SPATA13: variants seen among roughly 807,000 people sequenced by gnomAD.
The protein encoded by SPATA13 is spermatogenesis-associated protein 13.
In SPATA13, 50 loss-of-function variants were observed where a neutral mutation model predicts 104.0. The observed-to-expected ratio is 0.48, with a 90% CI of 0.38 to 0.61. The LOEUF (loss-of-function observed/expected upper bound fraction) is 0.61. SPATA13 is among the 20% of genes least tolerant of loss of function. The pLI is 0.00. For synonymous variants in SPATA13, 606 were observed against 667.5 expected (o/e 0.91, Z 1.42); for missense variants, 1,524 against 1,690.6 (o/e 0.90, Z 1.73).
At chr13:24,040,635 A>G (rs1452967716) in intron 3 of SPATA13, among the ~76,000 whole-genome samples, 1 of 152,132 alleles carries the variant, frequency 6.6e-6, no homozygotes. Context: ...CCAATTTTGT[A>G]AAGTTCAGTT....
chr13:24,094,648 G>C (rs1164629391), intron 3 of SPATA13, among the ~76,000 whole-genome samples: 1 of 152,174 alleles, frequency 6.6e-6, no homozygotes, highest in East Asian at 1.9e-4. Context: ...AGTTTCAGCT[G>C]TTGGGGAGGC....
upstream of SPATA13, among the ~76,000 whole-genome samples, chr13:24,158,631 C>T (rs987573130): frequency 2.0e-5 from 3 of 152,120 alleles, no homozygotes; most frequent in South Asian, 2.1e-4. Flanking sequence ...TTATCCCAGG[C>T]GCTCAAAAGG....
chr13:24,117,545 T>C (rs908962148), intron 3 of SPATA13, among the ~76,000 whole-genome samples: 5 of 152,200 alleles, frequency 3.3e-5, no homozygotes, highest in African/African-American at 1.2e-4. Context: ...TCTGGGCAAA[T>C]TGTAGACCTT....
intron 3 of SPATA13, among the ~76,000 whole-genome samples, chr13:24,043,741 C>A (rs183876361): frequency 6.6e-6 from 1 of 152,106 alleles, no homozygotes; most frequent in Non-Finnish European, 1.5e-5. Context: ...GCCTGCTGGT[C>A]GTGAAAGGTC....
intron 11 of SPATA13, among the ~76,000 whole-genome samples, chr13:24,298,084 A>T (rs1028061894): frequency 1.3e-5 from 2 of 152,202 alleles, no homozygotes; most frequent in South Asian, 2.1e-4. Flanking sequence ...CCACTCTTGC[A>T]CTGTGGCCAC....
chr13:23,992,031 T>G (rs1450099958), intron 2 of SPATA13, among the ~76,000 whole-genome samples: 1 of 152,216 alleles, frequency 6.6e-6, no homozygotes, highest in Non-Finnish European at 1.5e-5. Flanking sequence ...TGCTAAATAT[T>G]TCACATGGAT....
At chr13:24,230,271 G>A (rs1872185173) in intron 2 of SPATA13, among the ~76,000 whole-genome samples, 2 of 152,222 alleles carry the variant, frequency 1.3e-5, no homozygotes, top group South Asian at 2.1e-4. Flanking sequence ...AAAAGAAGCT[G>A]TCTGTACTCT....
At chr13:24,089,500 A>T (rs1369323702) in intron 3 of SPATA13, among the ~76,000 whole-genome samples, 1 of 152,224 alleles carries the variant, frequency 6.6e-6, no homozygotes, top group Non-Finnish European at 1.5e-5. Flanking sequence ...TCTGTATCTG[A>T]TGGAGTCTCT....
At chr13:24,033,417 C>T (rs1212679545) in intron 3 of SPATA13, 2 of 152,180 alleles carry the variant, frequency 1.3e-5, no homozygotes, top group Non-Finnish European at 2.9e-5. Flanking sequence ...ATGAACTCTC[C>T]TTTTCTATTA....
chr13:24,064,625 C>T (rs1171756988), intron 3 of SPATA13, among the ~76,000 whole-genome samples: 6 of 152,172 alleles, frequency 3.9e-5, no homozygotes, highest in Admixed American at 2.0e-4. Flanking sequence ...GACACTGAAT[C>T]TTCTGGTACT....
intron 1 of SPATA13, among the ~76,000 whole-genome samples, chr13:24,180,092 C>T (rs545472832): frequency 1.9e-4 from 29 of 152,220 alleles, no homozygotes; most frequent in Middle Eastern, 3.4e-3. Flanking sequence ...AATCCAAGGC[C>T]GTGAAGATTT....
intron 11 of SPATA13, among the ~76,000 whole-genome samples, chr13:24,298,242 C>T (rs1319456722): frequency 6.6e-6 from 1 of 152,192 alleles, no homozygotes; most frequent in Non-Finnish European, 1.5e-5. Flanking sequence ...CTGGAGGCCT[C>T]CCCTTTGGCT....
intron 3 of SPATA13, among the ~76,000 whole-genome samples, chr13:24,060,105 A>G (rs1878722892): frequency 6.6e-6 from 1 of 152,240 alleles, no homozygotes; most frequent in Non-Finnish European, 1.5e-5. Flanking sequence ...AATCAAAATG[A>G]GCCCAAATAG....
intron 3 of SPATA13, among the ~76,000 whole-genome samples, chr13:24,021,939 C>T (rs934354219): frequency 2.6e-5 from 4 of 152,066 alleles, no homozygotes; most frequent in African/African-American, 9.7e-5. Flanking sequence ...TCTCGATCTC[C>T]TGACCTCGTA....
chr13:24,052,205 C>T (rs1412077815), intron 3 of SPATA13, among the ~76,000 whole-genome samples: 22 of 152,138 alleles, frequency 1.4e-4, no homozygotes, highest in Admixed American at 1.4e-3. Flanking sequence ...AGCTCCAAGT[C>T]TTTATTTCTT....
At chr13:23,980,733 A>T (rs544549472) in intron 1 of SPATA13, among the ~76,000 whole-genome samples, 58 of 152,178 alleles carry the variant, frequency 3.8e-4, no homozygotes, top group South Asian at 1.2e-3. Flanking sequence ...CTGGGATTAC[A>T]GGCGGCCGTC....
chr13:24,135,480 G>A (rs9511076), intron 3 of SPATA13, among the ~76,000 whole-genome samples: 80,714 of 151,724 alleles, frequency 0.53, 21,759 homozygotes, highest in Admixed American at 0.61. Context: ...GGCAGATCAC[G>A]AGGTCAGGAG....
intron 1 of SPATA13, among the ~76,000 whole-genome samples, chr13:24,202,415 A>G (rs1593413254): frequency 6.6e-6 from 1 of 151,884 alleles, no homozygotes; most frequent in African/African-American, 2.4e-5. Flanking sequence ...TCTGCAGGGA[A>G]CGGCCCGTTC....
At chr13:24,164,734 C>T (rs903022108) in intron 1 of SPATA13, among the ~76,000 whole-genome samples, 3 of 152,202 alleles carry the variant, frequency 2.0e-5, no homozygotes, top group Non-Finnish European at 4.4e-5. Flanking sequence ...CTGCATCCCT[C>T]GGTGTGTCTG....
Sources: allele counts gnomAD v4.1 joint callset (sites outside exome capture counted in the v4.1 genomes callset), GRCh38; gene constraint gnomAD v4.1.1; transcripts MANE v1.5; gene names NCBI Gene and HGNC (gene_info 2026-07-23, HGNC 2026-07-21).